TENM2: variants seen among roughly 807,000 people sequenced by gnomAD.
TENM2 encodes the protein teneurin transmembrane protein 2, also known as teneurin-2.
TENM2 carries 52 observed loss-of-function variants against 245.2 expected under a neutral mutation model. The observed-to-expected ratio is 0.21, with a 90% confidence interval of 0.17 to 0.27. The LOEUF (loss-of-function observed/expected upper bound fraction) is 0.27. Among genes scored for constraint, TENM2 ranks in the 10% least tolerant of loss-of-function variants. The probability of loss-of-function intolerance (pLI) is 1.00; values close to 1 mark genes in which losing one functional copy is unlikely to be tolerated. For missense variants in TENM2, 3,046 were observed against 3,666.8 expected (o/e 0.83, Z 4.37); for synonymous variants, 1,363 against 1,438.9 (o/e 0.95, Z 1.19).
Position 168,219,824 on chromosome 5 carries a change from C to CAAAAAAAAAA in TENM2, c.5108+841_5108+850dup, listed in dbSNP as rs70976468. On this transcript the variant is annotated intron_variant, in intron 23 of 28. Coordinates refer to ENST00000518659, the Ensembl canonical transcript of TENM2. ...GTTAAGTTAGGGAGAGTTGGCACAG[C>CAAAAAAAAAA]AAAAAAAAAAAAAAAAAAAAAAAAA... Among the ~76,000 whole-genome samples the CAAAAAAAAAA allele has an allele frequency of 1.4e-3, 71 of 49,816 alleles. 7 individuals carry two copies. The highest frequency in any genetic ancestry group is 5.0e-3 in the African/African-American group (56 of 11,104). The allele number at this position is 49,816 out of a possible 152,430, so 32.7% of individuals were successfully genotyped here. A position where few individuals can be genotyped will look rare whatever the true frequency, so the allele number is the denominator to read the frequency against.
chr5:168,165,953 C>T (rs1237771371), intron 13 of TENM2: 2 of 152,040 alleles, frequency 1.3e-5, no homozygotes, highest in East Asian at 1.9e-4. Context: ...GAGGTGATTC[C>T]TCAGTGTAGA....
chr5:167,797,585 G>A (rs1765411881), intron 2 of TENM2, among the ~76,000 whole-genome samples: 1 of 152,172 alleles, frequency 6.6e-6, no homozygotes, highest in African/African-American at 2.4e-5. Context: ...TTCGCAATGT[G>A]TGTGGTGGGT....
chr5:167,740,200 CA>C (rs1761084450), intron 2 of TENM2, among the ~76,000 whole-genome samples: 3 of 152,162 alleles, frequency 2.0e-5, no homozygotes, highest in South Asian at 2.1e-4. Flanking sequence ...AATGACTTTC[CA>C]AATCTATATG....
intron 2 of TENM2, among the ~76,000 whole-genome samples, chr5:167,766,891 AC>A (rs1763064168): frequency 6.6e-6 from 1 of 152,042 alleles, no homozygotes; most frequent in South Asian, 2.1e-4. Context: ...AAAAACAAAA[AC>A]AAAAACAAAA....
chr5:166,995,690 C>T, the TENM2 span, among the ~76,000 whole-genome samples: 2 of 151,306 alleles, frequency 1.3e-5, no homozygotes, highest in African/African-American at 2.4e-5. Flanking sequence ...GTGGCAGGTG[C>T]CTATAATCCC....
chr5:167,916,109 C>A (rs1052233695), intron 3 of TENM2, among the ~76,000 whole-genome samples: 2 of 152,224 alleles, frequency 1.3e-5, no homozygotes, highest in African/African-American at 4.8e-5. Context: ...GTGCTCAACA[C>A]TTTTCATGGA....
chr5:167,698,123 A>T (rs995165409), intron 2 of TENM2, among the ~76,000 whole-genome samples: 8 of 152,086 alleles, frequency 5.3e-5, no homozygotes, highest in Admixed American at 2.0e-4. Context: ...TTGTGTTCAG[A>T]TCTGATTACC....
chr5:167,551,669 T>G (rs191366521), intron 2 of TENM2, among the ~76,000 whole-genome samples: 43 of 152,190 alleles, frequency 2.8e-4, no homozygotes, highest in Admixed American at 2.4e-3. Context: ...AAGTTTTGAA[T>G]TATTTAATCT....
the TENM2 span, among the ~76,000 whole-genome samples, chr5:167,049,480 C>T: frequency 2.6e-5 from 4 of 152,210 alleles, no homozygotes; most frequent in African/African-American, 9.6e-5. Flanking sequence ...AACTGGGAGT[C>T]CTCTTGTCTT....
At chr5:166,999,308 G>C in the TENM2 span, among the ~76,000 whole-genome samples, 11 of 152,160 alleles carry the variant, frequency 7.2e-5, no homozygotes, top group African/African-American at 2.7e-4. Context: ...GAGGAAAAAA[G>C]TATGACCTCC....
intron 1 of TENM2, among the ~76,000 whole-genome samples, chr5:167,349,308 C>A (rs764303013): frequency 2.0e-5 from 3 of 152,128 alleles, no homozygotes; most frequent in Non-Finnish European, 4.4e-5. Context: ...AATACAGTAG[C>A]TATTATTATC....
At chr5:168,000,183 T>C (rs1784328707) in intron 5 of TENM2, among the ~76,000 whole-genome samples, 1 of 152,230 alleles carries the variant, frequency 6.6e-6, no homozygotes, top group Non-Finnish European at 1.5e-5. Context: ...CCCTTCAGCT[T>C]CCACAGTGTG....
chr5:167,559,647 C>T (rs1773464305), intron 2 of TENM2, among the ~76,000 whole-genome samples: 1 of 152,130 alleles, frequency 6.6e-6, no homozygotes, highest in South Asian at 2.1e-4. Flanking sequence ...TGGCCCATTG[C>T]AGCTCCACAG....
chr5:167,756,076 G>C (rs1229191527), intron 2 of TENM2, among the ~76,000 whole-genome samples: 1 of 152,120 alleles, frequency 6.6e-6, no homozygotes, highest in Non-Finnish European at 1.5e-5. Context: ...CAAGGCAAAA[G>C]ACTCATCCAG....
At chr5:167,690,903 A>G (rs1757383044) in intron 2 of TENM2, among the ~76,000 whole-genome samples, 1 of 148,122 alleles carries the variant, frequency 6.8e-6, no homozygotes, top group South Asian at 2.2e-4. Context: ...ATATTTGTAT[A>G]TATATCCGTA....
intron 23 of TENM2, among the ~76,000 whole-genome samples, chr5:168,222,633 T>C (rs1180295792): frequency 6.6e-6 from 1 of 152,216 alleles, no homozygotes; most frequent in East Asian, 1.9e-4. Context: ...AACCCTATCA[T>C]GCCTGCTAAG....
At chr5:167,441,105 G>A (rs1764856164) in intron 2 of TENM2, among the ~76,000 whole-genome samples, 1 of 152,148 alleles carries the variant, frequency 6.6e-6, no homozygotes, top group Non-Finnish European at 1.5e-5. Context: ...TGCATGCTCA[G>A]CCATGCATAG....
the TENM2 span, among the ~76,000 whole-genome samples, chr5:167,044,978 G>C: frequency 6.6e-6 from 1 of 152,130 alleles, no homozygotes; most frequent in Admixed American, 6.5e-5. Flanking sequence ...AGGAGGGAGT[G>C]TAGATTTGAG....
the TENM2 span, among the ~76,000 whole-genome samples, chr5:167,257,701 TATA>T: frequency 6.6e-6 from 1 of 152,002 alleles, no homozygotes; most frequent in African/African-American, 2.4e-5. Flanking sequence ...TCACAATCAG[TATA>T]ATTTTTTTCT....
Sources: allele counts gnomAD v4.1 joint callset (sites outside exome capture counted in the v4.1 genomes callset), GRCh38; gene constraint gnomAD v4.1.1; transcripts MANE v1.5; gene names NCBI Gene and HGNC (gene_info 2026-07-23, HGNC 2026-07-21).